The following ZNF521 variants were observed in gnomAD, a reference collection of about 807,000 sequenced individuals.
The protein encoded by ZNF521 is zinc finger protein 521.
ZNF521 carries 14 observed loss-of-function variants against 105.5 expected under a neutral mutation model. The observed-to-expected ratio is 0.13, with a 90% CI of 0.09 to 0.21. ZNF521 has a LOEUF of 0.21. Among genes scored for constraint, ZNF521 ranks in the 10% least tolerant of loss-of-function variants. ZNF521 has a pLI of 1.00. For missense variants in ZNF521, 1,233 were observed against 1,629.7 expected, an observed-to-expected ratio of 0.76 and a Z score of 4.19; for synonymous variants, 635 against 606.0, an observed-to-expected ratio of 1.05 and a Z score of -0.70.
chr18:25,321,217 C>T (rs997569498), intron 3 of ZNF521, among the ~76,000 whole-genome samples: 1 of 152,150 alleles, frequency 6.6e-6, no homozygotes, highest in African/African-American at 2.4e-5. Flanking sequence ...TGATGTGTAT[C>T]TTACAGAGTT....
intron 7 of ZNF521, among the ~76,000 whole-genome samples, chr18:25,066,985 G>C (rs2033078641): frequency 6.6e-6 from 1 of 152,176 alleles, no homozygotes; most frequent in Non-Finnish European, 1.5e-5. Flanking sequence ...TTACATAATT[G>C]AGAAGAACAT....
intron 5 of ZNF521, among the ~76,000 whole-genome samples, chr18:25,168,442 T>C (rs1450412549): frequency 6.6e-6 from 1 of 152,112 alleles, no homozygotes; most frequent in Non-Finnish European, 1.5e-5. Flanking sequence ...ATCAAATTCT[T>C]CCATCTGGTC....
intron 5 of ZNF521, among the ~76,000 whole-genome samples, chr18:25,140,626 A>T (rs1235043811): frequency 6.6e-6 from 1 of 152,202 alleles, no homozygotes; most frequent in African/African-American, 2.4e-5. Flanking sequence ...TGGGATAATA[A>T]TGGCTACATT....
intron 5 of ZNF521, among the ~76,000 whole-genome samples, chr18:25,164,680 CTA>C (rs974200859): frequency 1.2e-4 from 19 of 152,112 alleles, no homozygotes; most frequent in Admixed American, 1.2e-3. Flanking sequence ...TTGGGTCAGA[CTA>C]TGTGTGAAAA....
At chr18:25,334,815 G>A (rs777557285) in intron 2 of ZNF521, among the ~76,000 whole-genome samples, 5 of 152,124 alleles carry the variant, frequency 3.3e-5, no homozygotes, top group East Asian at 1.9e-4. Context: ...GGCCTCCCCA[G>A]CTTCCCAGAG....
intron 3 of ZNF521, chr18:25,315,855 G>A (rs1912580263): frequency 1.3e-5 from 2 of 152,160 alleles, no homozygotes; most frequent in African/African-American, 4.8e-5. Flanking sequence ...TTAAAAGAAG[G>A]GAAGAACCTA....
intron 5 of ZNF521, among the ~76,000 whole-genome samples, chr18:25,167,977 C>T (rs1250925733): frequency 6.6e-6 from 1 of 152,162 alleles, no homozygotes; most frequent in Non-Finnish European, 1.5e-5. Flanking sequence ...AGGGTATGCA[C>T]AAGGTGAAAG....
chr18:25,275,426 G>A (rs745327369), intron 3 of ZNF521, among the ~76,000 whole-genome samples: 2 of 152,150 alleles, frequency 1.3e-5, no homozygotes, highest in African/African-American at 4.8e-5. Context: ...AAATGAAAAC[G>A]AATGTACAGA....
intron 2 of ZNF521, among the ~76,000 whole-genome samples, chr18:25,322,556 C>CAAAAAAAA (rs1311502086): frequency 1.4e-5 from 2 of 146,216 alleles, no homozygotes; most frequent in Non-Finnish European, 1.5e-5. Context: ...AAAAAAAACC[C>CAAAAAAAA]CCCCACTGTG....
intron 7 of ZNF521, among the ~76,000 whole-genome samples, chr18:25,075,031 G>C: frequency 6.6e-6 from 1 of 152,066 alleles, no homozygotes; most frequent in African/African-American, 2.4e-5. Context: ...CTGAAAGAAA[G>C]ACAGTCCTGA....
At chr18:25,077,484 G>A (rs926144829) in intron 7 of ZNF521, among the ~76,000 whole-genome samples, 21 of 151,890 alleles carry the variant, frequency 1.4e-4, no homozygotes, top group Admixed American at 6.6e-5. Flanking sequence ...ACATCCGCGT[G>A]CCCCCCACAT....
chr18:25,293,351 T>TACAC (rs55818021), intron 3 of ZNF521, among the ~76,000 whole-genome samples: 7,403 of 143,158 alleles, frequency 0.052, 254 homozygotes, highest in East Asian at 0.11. Context: ...CATGTACACA[T>TACAC]ACACACACAC....
intron 2 of ZNF521, among the ~76,000 whole-genome samples, chr18:25,340,172 T>C (rs1308998655): frequency 6.6e-6 from 1 of 152,092 alleles, no homozygotes; most frequent in Non-Finnish European, 1.5e-5. Flanking sequence ...CTAGCCAACA[T>C]GATGAAACCC....
intron 5 of ZNF521, among the ~76,000 whole-genome samples, chr18:25,123,868 T>C (rs186966136): frequency 6.6e-6 from 1 of 152,308 alleles, no homozygotes; most frequent in East Asian, 1.9e-4. Flanking sequence ...GATCTTCTCA[T>C]GAAAGAAATG....
chr18:25,314,674 C>A (rs1161785397), intron 3 of ZNF521, among the ~76,000 whole-genome samples: 2 of 152,230 alleles, frequency 1.3e-5, no homozygotes, highest in African/African-American at 4.8e-5. Flanking sequence ...CATATTTCTA[C>A]ACACTCATCT....
chr18:25,131,883 C>T (rs1427717038), intron 5 of ZNF521, among the ~76,000 whole-genome samples: 1 of 152,152 alleles, frequency 6.6e-6, no homozygotes, highest in African/African-American at 2.4e-5. Context: ...TTACTTTTAA[C>T]TTCTTGTTGA....
intron 5 of ZNF521, among the ~76,000 whole-genome samples, chr18:25,180,542 A>G (rs763465705): frequency 6.6e-6 from 1 of 152,072 alleles, no homozygotes; most frequent in East Asian, 1.9e-4. Flanking sequence ...TTTATTTCCA[A>G]TGCCTCAAGG....
chr18:25,126,392 A>G (rs1474637471), intron 5 of ZNF521, among the ~76,000 whole-genome samples: 9 of 152,112 alleles, frequency 5.9e-5, no homozygotes, highest in Non-Finnish European at 1.3e-4. Context: ...AGTTCCTCAA[A>G]TGAATAGTTT....
At chr18:25,315,925 C>T (rs575283824) in intron 3 of ZNF521, 1 of 152,188 alleles carries the variant, frequency 6.6e-6, no homozygotes, top group Non-Finnish European at 1.5e-5. Context: ...ACATAGGCAT[C>T]AGCACATAGA....
Sources: allele counts gnomAD v4.1 joint callset (sites outside exome capture counted in the v4.1 genomes callset), GRCh38; gene constraint gnomAD v4.1.1; transcripts MANE v1.5; gene names NCBI Gene and HGNC (gene_info 2026-07-23, HGNC 2026-07-21).